The following ASCC1 variants were observed in gnomAD, a reference collection of about 807,000 sequenced individuals.
The protein encoded by ASCC1 is activating signal cointegrator 1 complex subunit 1.
ASCC1 carries 35 observed loss-of-function variants against 46.6 expected under a neutral mutation model. The ratio of observed to expected loss-of-function variants is 0.75; its 90% CI spans 0.57 to 0.99. The LOEUF is 0.99. Ranked by LOEUF, ASCC1 falls within the 50% of genes least tolerant of loss-of-function variation. The pLI is 0.00. For synonymous variants in ASCC1, 143 were observed against 146.6 expected (o/e 0.98, Z 0.18); for missense variants, 376 against 428.7 (o/e 0.88, Z 1.09).
In ASCC1 at chr10:72,204,331, A is replaced by C. The variant is rs551062443; in HGVS notation, c.213-807T>G. The stretch of plus-strand genomic sequence containing the variant: ...CTCATGGCAACAGCGAGCTACAGCC[A>C]ACTCTCGACTACCCCATGAAGACGG... On this transcript the variant is annotated intron_variant, in intron 3 of 9. Transcript: ENST00000672957. The C allele has an allele frequency of 3.3e-5, 48 of 1,472,162 alleles. 1 individual carries two copies. The South Asian group carries it at 5.9e-4, about 18-fold the overall frequency. 91.2% of individuals were successfully genotyped at this position (1,472,162 alleles called of 1,614,324 possible). A position where few individuals can be genotyped will look rare whatever the true frequency, so the allele number is the denominator to read the frequency against.
rs1847333908 is a variant in ASCC1 at position 72,143,962 on chromosome 10, C to T, written c.746+8907G>A. Among the ~76,000 whole-genome samples, 3 of 151,302 alleles carry T rather than the reference C, an allele frequency of 2.0e-5. No individual in the cohort carries two copies. In the South Asian group the frequency reaches 6.3e-4, roughly 32 times the overall value. On this transcript the variant is annotated intron_variant, in intron 7 of 9. Coordinates refer to ENST00000672957, the MANE Select transcript of ASCC1 (RefSeq NM_001198800.3). Reference sequence around the variant, plus strand: ...TGAACCCTTTATCATATATAATAGCCTTCTCTATTGCTAATAATGCATTTT... The same window carrying T: ...TGAACCCTTTATCATATATAATAGCTTTCTCTATTGCTAATAATGCATTTT...
intron 3 of ASCC1, 76 bp from the exon 4 acceptor site, chr10:72,203,600 T>C (rs1856805228): frequency 9.2e-7 from 1 of 1,091,260 alleles, no homozygotes; most frequent in Non-Finnish European, 1.4e-6. Flanking sequence ...TTTAAATCCT[T>C]TGTGACAAGA....
chr10:72,204,561 C>G (rs1387947067), intron 3 of ASCC1: 1 of 1,539,634 alleles, frequency 6.5e-7, no homozygotes. Flanking sequence ...GAGGCCATCA[C>G]AGGGCTATCA....
Position 72,158,338 on chromosome 10 carries a change from T to C in ASCC1, c.626+3200A>G, listed in dbSNP as rs139999660. ...CTCTTTCTAGTCCCTTTAAACTTCT[T>C]TGGTTTGACGTCAGGCCTGCTGGAA... On this transcript the variant is annotated intron_variant, in intron 6 of 9. Transcript: ENST00000672957. 8.8e-3 allele frequency among the ~76,000 whole-genome samples: 1,341 copies of C among 152,296 alleles called. 16 individuals are homozygous for C. The highest frequency in any genetic ancestry group is 0.031 in the African/African-American group (1,273 of 41,560).
At chr10:72,131,359 C>T (rs1429691582) in intron 8 of ASCC1, among the ~76,000 whole-genome samples, 1 of 151,790 alleles carries the variant, frequency 6.6e-6, no homozygotes, top group Admixed American at 6.6e-5. Flanking sequence ...GCGGAGGTTG[C>T]AGTGAGCTGA....
At chr10:72,109,972 T>G (rs1487651351) in intron 9 of ASCC1, among the ~76,000 whole-genome samples, 1 of 152,198 alleles carries the variant, frequency 6.6e-6, no homozygotes, top group African/African-American at 2.4e-5. Context: ...CTGCATTATT[T>G]CTTCCCAAAG....
Position 72,128,308 on chromosome 10 carries a change from G to C in ASCC1, c.872-141C>G, listed in dbSNP as rs566259380. 4.7e-5 allele frequency: 34 copies of C among 716,354 alleles called. No homozygotes were observed. In the African/African-American group the frequency reaches 5.3e-4, roughly 11 times the overall value. The allele number at this position is 716,354 out of a possible 1,614,324, so 44.4% of individuals were successfully genotyped here. On this transcript the variant is annotated intron_variant, in intron 8 of 9. Transcript: ENST00000672957. ...GCATAATGAAGAGGAAAAATGTCAG[G>C]CTATGAATCAAGAGACCTGGCTTCT...
rs375235755 is a variant in ASCC1 at position 72,181,797 on chromosome 10, T to C, written c.489+15014A>G. ...ACCTCCCGGGTTCAAGCGATTCTTG[T>C]GCCTCAGCCTCCCGAGTACCTGGGA... On this transcript the variant is annotated intron_variant, in intron 5 of 9. Transcript: ENST00000672957. Among the ~76,000 whole-genome samples the C allele has an allele frequency of 1.0e-3, 154 of 152,234 alleles. 3 individuals carry two copies. The highest frequency in any genetic ancestry group is 3.1e-3 in the African/African-American group (128 of 41,552).
chr10:72,199,655 C>A (rs1856204697), intron 4 of ASCC1, among the ~76,000 whole-genome samples: 1 of 152,114 alleles, frequency 6.6e-6, no homozygotes, highest in Non-Finnish European at 1.5e-5. Flanking sequence ...AGGATGGTCT[C>A]AATCTCCTGA....
At position 72,102,811 on chromosome 10, in the gene ASCC1, C is replaced by T. The variant is rs1175185178; in HGVS notation, c.958-5361G>A. On this transcript the variant is annotated intron_variant, in intron 9 of 9. Coordinates refer to ENST00000672957, the MANE Select transcript of ASCC1 (RefSeq NM_001198800.3). ...CCAACATGGTGAAACCCCATCTCTA[C>T]TAAAAATACAAAAATTAGCCAGGCA... 1.2e-5 allele frequency: 4 copies of T among 347,782 alleles called. No individual in the cohort carries two copies. In the East Asian group the frequency reaches 3.2e-4, roughly 28 times the overall value. The allele number at this position is 347,782 out of a possible 1,614,324, so 21.5% of individuals were successfully genotyped here. A position where few individuals can be genotyped will look rare whatever the true frequency, so the allele number is the denominator to read the frequency against.
rs1849679259 is a variant in ASCC1, at chr10:72,161,420, T to C, written c.626+118A>G. On this transcript the variant is annotated intron_variant, in intron 6 of 9. Coordinates refer to ENST00000672957, the MANE Select transcript of ASCC1 (RefSeq NM_001198800.3). Reference sequence around the variant, plus strand: ...GCCTGTATTGCCTGAGTGGGCTCCATCAAATCACATGAGTCCTTCCCATGT... The same window carrying C: ...GCCTGTATTGCCTGAGTGGGCTCCACCAAATCACATGAGTCCTTCCCATGT... 6.0e-6 allele frequency: 8 copies of C among 1,336,396 alleles called. No individual in the cohort carries two copies. The South Asian group carries it at 8.3e-5, about 14-fold the overall frequency. 82.8% of individuals were successfully genotyped at this position (1,336,396 alleles called of 1,614,324 possible).
chr10:72,175,759 T>A lies in ASCC1; in HGVS notation c.490-14085A>T, dbSNP rs182518326. 2.3e-3 allele frequency among the ~76,000 whole-genome samples: 344 copies of A among 152,290 alleles called. 3 individuals carry two copies. Among genetic ancestry groups the A allele is most frequent in the Admixed American group, 0.02 (312 of 15,294 alleles). On this transcript the variant is annotated intron_variant, in intron 5 of 9. Transcript: ENST00000672957. Reference sequence around the variant, plus strand: ...ACTTACCTTAGATGAGCACAAAGAATCCTTCAGCCTACTCTTCTAAAAACT... The same window carrying A: ...ACTTACCTTAGATGAGCACAAAGAAACCTTCAGCCTACTCTTCTAAAAACT...
chr10:72,117,187 A>G (rs1413994004), intron 9 of ASCC1, among the ~76,000 whole-genome samples: 3 of 152,244 alleles, frequency 2.0e-5, no homozygotes, highest in Admixed American at 2.0e-4. Flanking sequence ...TCCAAGTCTG[A>G]TAACTCTAGT....
chr10:72,139,061 T>C (rs1215518092), intron 7 of ASCC1, among the ~76,000 whole-genome samples: 2 of 148,606 alleles, frequency 1.3e-5, no homozygotes, highest in Non-Finnish European at 2.9e-5. Context: ...TACTTGGACA[T>C]AATCGTTAAA....
intron 9 of ASCC1, among the ~76,000 whole-genome samples, chr10:72,117,487 CTT>C (rs35593325): frequency 1.3e-5 from 2 of 152,158 alleles, no homozygotes; most frequent in African/African-American, 4.8e-5. Context: ...TGAGAACGCT[CTT>C]TGTCATATTT....
upstream of ASCC1, among the ~76,000 whole-genome samples, chr10:72,216,560 TTGA>T (rs1170831506): frequency 3.3e-5 from 5 of 150,318 alleles, no homozygotes; most frequent in Admixed American, 2.0e-4. Context: ...GAACGATTTG[TTGA>T]TGATGGAATT....
chr10:72,111,906 T>C (rs1842959929), intron 9 of ASCC1, among the ~76,000 whole-genome samples: 1 of 152,158 alleles, frequency 6.6e-6, no homozygotes, highest in African/African-American at 2.4e-5. Flanking sequence ...CCTCCCAAAG[T>C]GCTGGGATTA....
chr10:72,203,135 A>G (rs1242298164), intron 4 of ASCC1, among the ~76,000 whole-genome samples: 1 of 151,974 alleles, frequency 6.6e-6, no homozygotes, highest in Non-Finnish European at 1.5e-5. Flanking sequence ...AAAAATACAA[A>G]ATTAGCCAGG....
chr10:72,183,044 CTT>C (rs1359356933), intron 5 of ASCC1, among the ~76,000 whole-genome samples: 10 of 135,338 alleles, frequency 7.4e-5, no homozygotes, highest in Non-Finnish European at 8.1e-5. Flanking sequence ...CAAAAAATTT[CTT>C]TTTTTTTTTT....
Sources: allele counts gnomAD v4.1 joint callset (sites outside exome capture counted in the v4.1 genomes callset), GRCh38; gene constraint gnomAD v4.1.1; transcripts MANE v1.5; gene names NCBI Gene and HGNC (gene_info 2026-07-23, HGNC 2026-07-21).